Variants in KATNIP observed in about 807,000 individuals in gnomAD.
KATNIP encodes katanin-interacting protein.
In KATNIP, 126 loss-of-function variants were observed where a neutral mutation model predicts 174.0. The ratio of observed to expected loss-of-function variants is 0.72; its 90% CI spans 0.63 to 0.84. The LOEUF (loss-of-function observed/expected upper bound fraction) is 0.84, where lower values mean the gene tolerates loss of function less well. KATNIP is among the 40% of genes least tolerant of loss of function. The probability of loss-of-function intolerance (pLI) is 0.00; values close to 1 mark genes in which losing one functional copy is unlikely to be tolerated. For synonymous variants in KATNIP, 810 were observed against 835.7 expected, an observed-to-expected ratio of 0.97 and a Z score of 0.53; for missense variants, 1,958 against 2,109.7, an observed-to-expected ratio of 0.93 and a Z score of 1.41.
At chr16:27,552,686 GTT>G (rs768836183) in intron 1 of KATNIP, among the ~76,000 whole-genome samples, 2 of 94,378 alleles carry the variant, frequency 2.1e-5, no homozygotes, top group East Asian at 3.1e-4. Flanking sequence ...GCAAGTGGCA[GTT>G]TTTTTTTTTT....
intron 5 of KATNIP, among the ~76,000 whole-genome samples, chr16:27,634,512 G>T (rs1299665128): frequency 6.6e-6 from 1 of 152,204 alleles, no homozygotes; most frequent in South Asian, 2.1e-4. Flanking sequence ...CATCAGGAAG[G>T]TGTCACCTTA....
chr16:27,573,508 G>T (rs1332939066), intron 1 of KATNIP, among the ~76,000 whole-genome samples: 2 of 152,342 alleles, frequency 1.3e-5, no homozygotes, highest in South Asian at 4.1e-4. Context: ...ACGTTGGTAT[G>T]CTCTCATCAA....
intron 15 of KATNIP, among the ~76,000 whole-genome samples, chr16:27,742,560 G>A (rs2081150385): frequency 6.6e-6 from 1 of 152,148 alleles, no homozygotes; most frequent in Admixed American, 6.5e-5. Flanking sequence ...AGGCTGCCTG[G>A]GCACGTATCC....
rs139286639 is a variant in KATNIP at position 27,740,167 on chromosome 16, G to A, written c.1870G>A (p.Glu624Lys). The change falls in exon 15 of 28, where the codon GAG becomes AAG. Residue 624 changes from glutamate to lysine, a missense_variant. This residue lies in a region of KATNIP where 1,557 missense variants were observed against 1,617.8 expected (regional missense o/e 0.96). Coordinates refer to ENST00000261588, the MANE Select transcript of KATNIP (RefSeq NM_015202.5). Reference sequence around the variant, plus strand: ...CAGCATCCTGGTTGACCAGAAGAACGAGAAGAGCGAGCAACTAGAGGAGGC... The same window carrying A: ...CAGCATCCTGGTTGACCAGAAGAACAAGAAGAGCGAGCAACTAGAGGAGGC... ...DHSILVDQKN[E>K]KSEQLEEAMN... 335 of 1,614,174 alleles carry A rather than the reference G, an allele frequency of 2.1e-4. No homozygotes were observed. Among genetic ancestry groups the A allele is most frequent in the Middle Eastern group, 2.0e-3 (12 of 6,062 alleles).
intron 2 of KATNIP, among the ~76,000 whole-genome samples, chr16:27,596,636 C>A (rs2141901577): frequency 6.6e-6 from 1 of 152,262 alleles, no homozygotes; most frequent in East Asian, 1.9e-4. Flanking sequence ...GTAGCTCACA[C>A]TGTTTTGCAA....
At chr16:27,665,655 C>T (rs1314248310) in intron 6 of KATNIP, among the ~76,000 whole-genome samples, 1 of 150,464 alleles carries the variant, frequency 6.6e-6, no homozygotes, top group Non-Finnish European at 1.5e-5. Flanking sequence ...GGCTGGAGTG[C>T]ACTGGTACGA....
chr16:27,630,609 G>T (rs961606136), intron 4 of KATNIP, among the ~76,000 whole-genome samples: 5 of 152,150 alleles, frequency 3.3e-5, no homozygotes, highest in African/African-American at 1.2e-4. Flanking sequence ...AGCTTTTCCT[G>T]GTCCAGGTTT....
At chr16:27,680,991 A>C (rs1453787669) in intron 7 of KATNIP, among the ~76,000 whole-genome samples, 5 of 152,140 alleles carry the variant, frequency 3.3e-5, no homozygotes, top group Non-Finnish European at 5.9e-5. Flanking sequence ...CACTGTACCC[A>C]GCCTATTTTG....
At chr16:27,602,184 C>T (rs2075549942) in intron 2 of KATNIP, among the ~76,000 whole-genome samples, 1 of 152,206 alleles carries the variant, frequency 6.6e-6, no homozygotes, top group African/African-American at 2.4e-5. Flanking sequence ...AGGGTAGGGG[C>T]AGCCTCAATC....
At chr16:27,595,316 A>T (rs906541910) in intron 2 of KATNIP, among the ~76,000 whole-genome samples, 15 of 152,178 alleles carry the variant, frequency 9.9e-5, no homozygotes, top group African/African-American at 3.6e-4. Flanking sequence ...GAGCCTGGGA[A>T]GTTGAGGCTG....
rs1206006076 is a variant in KATNIP, at chr16:27,751,718, GC to G, written c.3350del (p.Pro1117GlnfsTer43). ...IAKASGTLAG[A>X]PEHFGDTILF... ...TTTCTGTCATCTTGATAACCCATTA[GC>G]CCCAGAGCACTTTGGAGACACGATC... On this transcript the variant is annotated frameshift_variant and splice_region_variant, in exon 17 of 28. Coordinates refer to ENST00000261588, the MANE Select transcript of KATNIP (RefSeq NM_015202.5). LOFTEE classifies it high-confidence loss of function. 1 of 1,613,984 alleles carries G rather than the reference GC, an allele frequency of 6.2e-7. No individual in the cohort carries two copies. The highest frequency in any genetic ancestry group is 1.3e-5 in the African/African-American group (1 of 74,930).
chr16:27,661,939 T>TAC (rs1167694231), intron 6 of KATNIP, among the ~76,000 whole-genome samples: 2 of 68,376 alleles, frequency 2.9e-5, no homozygotes, highest in African/African-American at 1.4e-4. Flanking sequence ...TATATATATA[T>TAC]ATATATATAT....
chr16:27,694,098 T>A (rs1296128594), intron 8 of KATNIP, among the ~76,000 whole-genome samples: 2 of 152,148 alleles, frequency 1.3e-5, no homozygotes, highest in Non-Finnish European at 2.9e-5. Flanking sequence ...TTGCTATTCC[T>A]TCATTTTAGC....
At chr16:27,564,247 C>G (rs1303079888) in intron 1 of KATNIP, among the ~76,000 whole-genome samples, 1 of 152,056 alleles carries the variant, frequency 6.6e-6, no homozygotes, top group Non-Finnish European at 1.5e-5. Context: ...GTATGCAGGG[C>G]ACTGTTCTGA....
chr16:27,659,512 C>CAAA (rs151176449), intron 6 of KATNIP, among the ~76,000 whole-genome samples: 1 of 82,710 alleles, frequency 1.2e-5, no homozygotes. Context: ...CCTGTCTATA[C>CAAA]AAAAAAAAAA....
intron 15 of KATNIP, among the ~76,000 whole-genome samples, chr16:27,744,950 ATAAAT>A (rs1233538785): frequency 6.6e-6 from 1 of 152,114 alleles, no homozygotes; most frequent in Non-Finnish European, 1.5e-5. Flanking sequence ...ATAAAAGAAA[ATAAAT>A]TTAATTAATT....
intron 2 of KATNIP, among the ~76,000 whole-genome samples, chr16:27,608,415 TTTTTGTA>T (rs1168324583): frequency 6.9e-6 from 1 of 145,802 alleles, no homozygotes; most frequent in Non-Finnish European, 1.5e-5. Flanking sequence ...TTTTTTTTTT[TTTTTGTA>T]TTTTTGTAGA....
At chr16:27,627,305 C>T (rs2076362754) in intron 3 of KATNIP, among the ~76,000 whole-genome samples, 1 of 152,210 alleles carries the variant, frequency 6.6e-6, no homozygotes, top group Admixed American at 6.5e-5. Flanking sequence ...GTTGCTTAAA[C>T]TGGCCTTATA....
At chr16:27,647,942 C>T (rs991129901) in intron 5 of KATNIP, among the ~76,000 whole-genome samples, 1 of 151,898 alleles carries the variant, frequency 6.6e-6, no homozygotes, top group Non-Finnish European at 1.5e-5. Flanking sequence ...TGAGCTACCA[C>T]GCCTTGACCA....
Sources: gnomAD v4.1 joint callset for allele counts (sites outside exome capture counted in the v4.1 genomes callset) on GRCh38, gnomAD v4.1.1 for gene constraint, gnomAD v4.1.1 regional missense constraint, MANE v1.5 for transcripts, NCBI Gene and HGNC (gene_info 2026-07-23, HGNC 2026-07-21) for gene names.